Variants in NUP153 observed in about 807,000 individuals in gnomAD.
The protein encoded by NUP153 is nuclear pore complex protein Nup153.
In NUP153, 27 loss-of-function variants were observed where a neutral mutation model predicts 134.6. That is an observed-to-expected ratio of 0.20 (90% CI 0.15 to 0.28). NUP153 has a LOEUF of 0.28. NUP153 is among the 10% of genes least tolerant of loss of function. The probability of loss-of-function intolerance (pLI) is 1.00; values close to 1 mark genes in which losing one functional copy is unlikely to be tolerated. For synonymous variants in NUP153, 640 were observed against 623.5 expected (o/e 1.03, Z -0.40); for missense variants, 1,821 against 1,731.3 (o/e 1.05, Z -0.92).
intron 14 of NUP153, among the ~76,000 whole-genome samples, chr6:17,641,024 A>T (rs1270560758): frequency 6.6e-6 from 1 of 152,154 alleles, no homozygotes; most frequent in Non-Finnish European, 1.5e-5. Context: ...CAGTAAGATG[A>T]GTGACTTACT....
chr6:17,652,792 G>A (rs963528339), intron 11 of NUP153, among the ~76,000 whole-genome samples: 1 of 152,176 alleles, frequency 6.6e-6, no homozygotes, highest in Non-Finnish European at 1.5e-5. Flanking sequence ...GGGAGGCCAA[G>A]GCAGGTGGAT....
chr6:17,657,653 T>G (rs574045403), intron 11 of NUP153, among the ~76,000 whole-genome samples: 1 of 152,292 alleles, frequency 6.6e-6, no homozygotes, highest in South Asian at 2.1e-4. Context: ...CAATGCATCA[T>G]CTGGCAAATA....
In NUP153 at chr6:17,647,807, A is replaced by C. The variant is rs776768538; in HGVS notation, c.1632T>G (p.Ser544=). 1 of 1,553,002 alleles carries C rather than the reference A, an allele frequency of 6.4e-7. No individual in the cohort carries two copies. Among genetic ancestry groups the C allele is most frequent in the Non-Finnish European group, 8.9e-7 (1 of 1,125,530 alleles). Residue 544 remains serine (S), a splice_region_variant and synonymous_variant, in exon 13 of 22, where the codon TCT becomes TCG. Transcript: ENST00000262077. The part of the protein sequence containing the change: ...STEANVLPPS[S]IGFTFSVPVA... ...ATACTATTCCTTGCTTGTTACTTAC[A>C]GATGATGGAGGTAGTACATTTGCCT...
rs45543844 is a variant in NUP153 at position 17,616,403 on chromosome 6, G to A, written c.4343+124C>T. Reference sequence around the variant, plus strand: ...CAGAATTATAGTATGGTAAATTTATGTTGGAGAACATATTTAATTTTACCC... The same window carrying A: ...CAGAATTATAGTATGGTAAATTTATATTGGAGAACATATTTAATTTTACCC... On this transcript the variant is annotated intron_variant, in intron 21 of 21. Coordinates refer to ENST00000262077, the MANE Select transcript of NUP153 (RefSeq NM_005124.4). 3,625 of 910,230 alleles carry A rather than the reference G, an allele frequency of 4.0e-3. 16 individuals carry two copies. Among genetic ancestry groups the A allele is most frequent in the Middle Eastern group, 6.8e-3 (30 of 4,394 alleles). The allele number at this position is 910,230 out of a possible 1,614,324, so 56.4% of individuals were successfully genotyped here.
Position 17,703,123 on chromosome 6 carries a change from A to C in NUP153, c.111+3154T>G, listed in dbSNP as rs1048709505. On this transcript the variant is annotated intron_variant, in intron 1 of 21. Coordinates refer to ENST00000262077, the MANE Select transcript of NUP153 (RefSeq NM_005124.4). ...TGAGGCAAGAGAATGGAATGAACCCAGGAGGCAAAGGTTGCAGTGAGCCAA... is the reference window on the plus strand; with the variant it reads ...TGAGGCAAGAGAATGGAATGAACCCCGGAGGCAAAGGTTGCAGTGAGCCAA... Among the ~76,000 whole-genome samples, 5 of 150,600 alleles carry C rather than the reference A, an allele frequency of 3.3e-5. No homozygotes were observed. The South Asian group carries it at 1.1e-3, about 32-fold the overall frequency.
chr6:17,698,802 G>GGC (rs1769840993), intron 1 of NUP153, among the ~76,000 whole-genome samples: 1 of 151,530 alleles, frequency 6.6e-6, no homozygotes, highest in Non-Finnish European at 1.5e-5. Context: ...CCCAGAGCGG[G>GGC]GCGGAGGTTG....
Position 17,628,623 on chromosome 6 carries a change from A to T in NUP153, c.3544+32T>A. 4 of 1,092,298 alleles carry T rather than the reference A, an allele frequency of 3.7e-6. No individual in the cohort carries two copies. Among genetic ancestry groups the T allele is most frequent in the Non-Finnish European group, 4.5e-6 (4 of 884,652 alleles). 67.7% of individuals were successfully genotyped at this position (1,092,298 alleles called of 1,614,324 possible). ...AACGACAACTTGTAAAAAAAAAAATAATAATAATAATAATAAAAAGTTAAT... is the reference window on the plus strand; with the variant it reads ...AACGACAACTTGTAAAAAAAAAAATTATAATAATAATAATAAAAAGTTAAT... On this transcript the variant is annotated intron_variant, in intron 18 of 21. Transcript: ENST00000262077. This position sits in a 1 kb window ranked among gnomAD's most constrained non-coding sequence, Gnocchi z 5.4.
chr6:17,689,539 C>CTTT (rs200562896), intron 1 of NUP153, among the ~76,000 whole-genome samples: 1 of 143,744 alleles, frequency 7.0e-6, no homozygotes, highest in Non-Finnish European at 1.5e-5. Context: ...ACGGTAACTT[C>CTTT]TTTTTTTTTT....
chr6:17,682,311 C>CA (rs1768632769), intron 2 of NUP153, among the ~76,000 whole-genome samples: 1 of 152,168 alleles, frequency 6.6e-6, no homozygotes, highest in Non-Finnish European at 1.5e-5. Flanking sequence ...GTGGTGTTAA[C>CA]AGGTCTTTGC....
In NUP153 at chr6:17,628,893, C is replaced by T; in HGVS notation, c.3306G>A (p.Arg1102=). The change falls in exon 18 of 22, where the codon AGG becomes AGA. Residue 1102 remains arginine, a synonymous_variant. Coordinates refer to ENST00000262077, the MANE Select transcript of NUP153 (RefSeq NM_005124.4). This position sits in a 1 kb window ranked among gnomAD's most constrained non-coding sequence, Gnocchi z 5.4. ...LPSASVFVLG[R]TEEKQQEPVT... ...CAGGCTCTTGCTGTTTCTCTTCTGT[C>T]CTTCCCAAAACAAACACTGAGGCAG... 6.2e-7 allele frequency: 1 copy of T among 1,614,208 alleles called. No homozygotes were observed. Among genetic ancestry groups the T allele is most frequent in the Non-Finnish European group, 8.5e-7 (1 of 1,180,036 alleles).
chr6:17,668,433 A>C (rs1224189086), intron 8 of NUP153, among the ~76,000 whole-genome samples: 1 of 152,090 alleles, frequency 6.6e-6, no homozygotes, highest in African/African-American at 2.4e-5. Flanking sequence ...AAAGTCTGTC[A>C]AGATCCTCAA....
At chr6:17,690,860 C>G (rs989521852) in intron 1 of NUP153, among the ~76,000 whole-genome samples, 2 of 152,132 alleles carry the variant, frequency 1.3e-5, no homozygotes, top group African/African-American at 4.8e-5. Flanking sequence ...GAAAAGGTAG[C>G]CGGGCGTGGT....
At chr6:17,678,356 A>C (rs1418996694) in intron 2 of NUP153, among the ~76,000 whole-genome samples, 2 of 146,500 alleles carry the variant, frequency 1.4e-5, no homozygotes, top group Non-Finnish European at 1.5e-5. Context: ...CTGTCTCAAA[A>C]AAAAAAAAAA....
intron 1 of NUP153, among the ~76,000 whole-genome samples, chr6:17,693,976 A>G (rs528959892): frequency 2.6e-5 from 4 of 152,126 alleles, no homozygotes; most frequent in Non-Finnish European, 4.4e-5. Context: ...TAGGACACCC[A>G]TCTCATTTTG....
intron 17 of NUP153, among the ~76,000 whole-genome samples, chr6:17,631,375 T>C (rs1347393430): frequency 6.6e-6 from 1 of 152,192 alleles, no homozygotes; most frequent in Non-Finnish European, 1.5e-5. Flanking sequence ...TTTGTATAAA[T>C]TTAAGGATTA....
At position 17,706,272 on chromosome 6, in the gene NUP153, C is replaced by T. The variant is rs529337310; in HGVS notation, c.111+5G>A. 1.4e-5 allele frequency: 22 copies of T among 1,609,656 alleles called. No individual in the cohort carries two copies. The South Asian group carries it at 2.3e-4, about 17-fold the overall frequency. ...CCAGGCCACCGCGGCGTCGGGGTCCCATACCTGATGCTGTTGTCGCCCCTG... is the reference window on the plus strand; with the variant it reads ...CCAGGCCACCGCGGCGTCGGGGTCCTATACCTGATGCTGTTGTCGCCCCTG... On this transcript the variant is annotated splice_donor_5th_base_variant and intron_variant, in intron 1 of 21. Coordinates refer to ENST00000262077, the MANE Select transcript of NUP153 (RefSeq NM_005124.4). This position sits in a 1 kb window ranked among gnomAD's most constrained non-coding sequence, Gnocchi z 5.9.
intron 8 of NUP153, 71 bp from the exon 9 acceptor site, chr6:17,665,456 A>ACATATCTAAATT: frequency 1.6e-6 from 2 of 1,228,040 alleles, no homozygotes; most frequent in Non-Finnish European, 2.3e-6. Context: ...AATTTTGACA[A>ACATATCTAAATT]TAGCTAACAT....
In NUP153 at chr6:17,637,472, A is replaced by G. The variant is rs1012546378; in HGVS notation, c.2145T>C (p.Phe715=). 1 of 1,614,246 alleles carries G rather than the reference A, an allele frequency of 6.2e-7. No homozygotes were observed. Among genetic ancestry groups the G allele is most frequent in the Non-Finnish European group, 8.5e-7 (1 of 1,180,044 alleles). ...CTATCACTGGTTTAAATTTGTCTCCAAAGCCTGTCCCTGATGCAGAAAGAG... is the reference window on the plus strand; with the variant it reads ...CTATCACTGGTTTAAATTTGTCTCCGAAGCCTGTCCCTGATGCAGAAAGAG... The part of the protein sequence containing the change: ...KTTLSASGTG[F]GDKFKPVIGT... The change falls in exon 16 of 22, where the codon TTT becomes TTC. Residue 715 remains phenylalanine (F), a synonymous_variant. Coordinates refer to ENST00000262077, the MANE Select transcript of NUP153 (RefSeq NM_005124.4).
At position 17,624,791 on chromosome 6, in the gene NUP153, G is replaced by C; in HGVS notation, c.3944C>G (p.Ala1315Gly). Reference protein sequence around the residue: ...VFGTGPSAPSASPAFGANQTP... With the variant: ...VFGTGPSAPSGSPAFGANQTP... Reference sequence around the variant, plus strand: ...CTGGTTAGCACCAAATGCTGGACTGGCAGATGGTGCTGAGGGTCCAGTTCC... The same window carrying C: ...CTGGTTAGCACCAAATGCTGGACTGCCAGATGGTGCTGAGGGTCCAGTTCC... The change falls in exon 20 of 22, where the codon GCC (alanine) becomes GGC (glycine). Residue 1315 changes from alanine to glycine, a missense_variant. Transcript: ENST00000262077. 4 of 1,613,892 alleles carry C rather than the reference G, an allele frequency of 2.5e-6. No individual in the cohort carries two copies. The highest frequency in any genetic ancestry group is 3.4e-6 in the Non-Finnish European group (4 of 1,179,880).
Sources: gnomAD v4.1 joint callset for allele counts (sites outside exome capture counted in the v4.1 genomes callset) on GRCh38, gnomAD v4.1.1 for gene constraint, Gnocchi (gnomAD v3.1) non-coding constraint, MANE v1.5 for transcripts, NCBI Gene and HGNC (gene_info 2026-07-23, HGNC 2026-07-21) for gene names.